NELL1: variants seen among roughly 807,000 people sequenced by gnomAD.
NELL1 encodes the protein neural EGFL like 1.
Under a neutral mutation model 107.4 loss-of-function variants are expected in NELL1, and 76 were observed. The observed-to-expected ratio is 0.71, with a 90% CI of 0.59 to 0.86. The LOEUF (loss-of-function observed/expected upper bound fraction) is 0.86, where lower values mean the gene tolerates loss of function less well. NELL1 is among the 40% of genes least tolerant of loss of function. NELL1 has a pLI of 0.00. For missense variants in NELL1, 1,024 were observed against 1,005.5 expected (o/e 1.02, Z -0.25); for synonymous variants, 353 against 341.2 (o/e 1.03, Z -0.38).
At chr11:21,348,101 T>TA (rs368859465) in intron 14 of NELL1, among the ~76,000 whole-genome samples, 51,504 of 151,928 alleles carry the variant, frequency 0.34, 9,019 homozygotes, top group South Asian at 0.4. Flanking sequence ...TGGGTTGCAA[T>TA]GTCTTCCAGA....
At chr11:20,729,752 C>A (rs913887160) in intron 2 of NELL1, among the ~76,000 whole-genome samples, 1 of 152,142 alleles carries the variant, frequency 6.6e-6, no homozygotes, top group African/African-American at 2.4e-5. Flanking sequence ...TATTTCCACA[C>A]AGTAATGGAG....
chr11:20,732,788 C>T (rs570768074), intron 2 of NELL1, among the ~76,000 whole-genome samples: 18 of 152,190 alleles, frequency 1.2e-4, no homozygotes, highest in African/African-American at 3.9e-4. Context: ...TTTAAGTACC[C>T]GGTTTTGGAG....
At chr11:20,678,902 G>A (rs894673608) in intron 2 of NELL1, among the ~76,000 whole-genome samples, 3 of 152,186 alleles carry the variant, frequency 2.0e-5, no homozygotes, top group Non-Finnish European at 4.4e-5. Flanking sequence ...AATCAGCAAA[G>A]TGATAGGTCA....
intron 3 of NELL1, among the ~76,000 whole-genome samples, chr11:20,794,283 T>G (rs1368308504): frequency 6.6e-6 from 1 of 152,178 alleles, no homozygotes; most frequent in African/African-American, 2.4e-5. Context: ...TGTTACCTAT[T>G]GAGTCTGAAC....
intron 16 of NELL1, among the ~76,000 whole-genome samples, chr11:21,546,649 C>T (rs934866602): frequency 3.3e-5 from 5 of 151,948 alleles, no homozygotes; most frequent in African/African-American, 9.7e-5. Context: ...CTTCCTTTGC[C>T]TTCATCATGA....
At chr11:21,339,169 C>T (rs1353954578) in intron 14 of NELL1, among the ~76,000 whole-genome samples, 1 of 152,136 alleles carries the variant, frequency 6.6e-6, no homozygotes, top group Non-Finnish European at 1.5e-5. Flanking sequence ...GATGTAACTG[C>T]AGATGTAATT....
chr11:20,922,873 C>T (rs541580847), intron 7 of NELL1, among the ~76,000 whole-genome samples: 1 of 152,208 alleles, frequency 6.6e-6, no homozygotes, highest in South Asian at 2.1e-4. Flanking sequence ...GTAAAGATTC[C>T]GTGAGCCCAG....
intron 15 of NELL1, among the ~76,000 whole-genome samples, chr11:21,439,337 T>C (rs545404833): frequency 1.3e-5 from 2 of 152,160 alleles, no homozygotes; most frequent in Non-Finnish European, 2.9e-5. Flanking sequence ...ATCTAGACTG[T>C]ACCCAGAGAA....
chr11:21,455,306 T>A (rs1438998639), intron 15 of NELL1, among the ~76,000 whole-genome samples: 1 of 138,778 alleles, frequency 7.2e-6, no homozygotes, highest in Non-Finnish European at 1.5e-5. Context: ...ATTTCCTTTT[T>A]TTTTTCTTTT....
intron 12 of NELL1, among the ~76,000 whole-genome samples, chr11:21,109,735 A>G (rs1406780803): frequency 6.6e-6 from 1 of 152,140 alleles, no homozygotes; most frequent in Non-Finnish European, 1.5e-5. Context: ...CCTTTGTCCT[A>G]GACTCATCTA....
chr11:21,486,666 C>T (rs1200646087), intron 15 of NELL1, among the ~76,000 whole-genome samples: 1 of 151,898 alleles, frequency 6.6e-6, no homozygotes, highest in Non-Finnish European at 1.5e-5. Context: ...ATTCAAAATA[C>T]TGATTTTAAA....
intron 14 of NELL1, among the ~76,000 whole-genome samples, chr11:21,272,794 G>A (rs1254711941): frequency 6.6e-6 from 1 of 152,180 alleles, no homozygotes; most frequent in Non-Finnish European, 1.5e-5. Context: ...GGCAAAGAGG[G>A]CCTGGAGGGG....
At chr11:21,337,676 C>G (rs1850437936) in intron 14 of NELL1, among the ~76,000 whole-genome samples, 1 of 152,102 alleles carries the variant, frequency 6.6e-6, no homozygotes, top group Non-Finnish European at 1.5e-5. Context: ...TTATTTCTAC[C>G]CTCCTTCCTG....
intron 14 of NELL1, among the ~76,000 whole-genome samples, chr11:21,244,109 A>G (rs1416724311): frequency 6.6e-6 from 1 of 152,154 alleles, no homozygotes; most frequent in East Asian, 1.9e-4. Flanking sequence ...ACTTCACCAT[A>G]AAGTCAGATA....
intron 2 of NELL1, among the ~76,000 whole-genome samples, chr11:20,726,031 A>T (rs1015045649): frequency 1.3e-5 from 2 of 152,180 alleles, no homozygotes; most frequent in African/African-American, 4.8e-5. Flanking sequence ...TACATGTAGG[A>T]TAGTGGCCTC....
chr11:20,720,992 A>T lies in NELL1; in HGVS notation c.184+42932A>T, dbSNP rs565059206. On this transcript the variant is annotated intron_variant, in intron 2 of 19. Coordinates refer to ENST00000357134, the MANE Select transcript of NELL1 (RefSeq NM_006157.5). Reference sequence around the variant, plus strand: ...TGATGCAGCCAATAGTAACCAAGACACACTACTTTCTGTTTTCCAAGCTCA... The same window carrying T: ...TGATGCAGCCAATAGTAACCAAGACTCACTACTTTCTGTTTTCCAAGCTCA... Among the ~76,000 whole-genome samples the T allele has an allele frequency of 6.6e-5, 10 of 152,054 alleles. No homozygotes were observed. The East Asian group carries it at 1.9e-3, about 29-fold the overall frequency.
intron 3 of NELL1, among the ~76,000 whole-genome samples, chr11:20,822,438 G>T (rs192073897): frequency 1.3e-5 from 2 of 152,334 alleles, no homozygotes; most frequent in African/African-American, 4.8e-5. Context: ...TTGGTTGAAT[G>T]AATGCGACAA....
intron 13 of NELL1, among the ~76,000 whole-genome samples, chr11:21,176,579 G>A (rs1271011806): frequency 6.6e-6 from 1 of 151,708 alleles, no homozygotes; most frequent in African/African-American, 2.4e-5. Context: ...GCATTTTTAG[G>A]CCTTAAAATT....
chr11:20,970,207 G>A (rs1479856773), intron 12 of NELL1, among the ~76,000 whole-genome samples: 1 of 152,016 alleles, frequency 6.6e-6, no homozygotes, highest in African/African-American at 2.4e-5. Context: ...AACTCCATGG[G>A]GCATCATTTA....
Sources: gnomAD v4.1 joint callset for allele counts (sites outside exome capture counted in the v4.1 genomes callset) on GRCh38, gnomAD v4.1.1 for gene constraint, MANE v1.5 for transcripts, NCBI Gene and HGNC (gene_info 2026-07-23, HGNC 2026-07-21) for gene names.